The following NPFFR2 variants were observed in gnomAD, a reference collection of about 807,000 sequenced individuals.
NPFFR2 encodes the protein neuropeptide FF receptor 2, also known as G-protein coupled receptor 74.
A neutral mutation model predicts 13.1 loss-of-function variants in NPFFR2; 15 were observed. The ratio of observed to expected loss-of-function variants is 1.15; its 90% CI spans 0.77 to 1.76. The LOEUF is 1.76. NPFFR2 is among the 40% of genes most tolerant of loss of function. NPFFR2 has a pLI of 0.00. For synonymous variants in NPFFR2, 190 were observed against 175.7 expected (o/e 1.08, Z -0.65); for missense variants, 572 against 503.5 (o/e 1.14, Z -1.30).
chr4:72,146,051 G>GTTTAAT (rs2109850969), intron 3 of NPFFR2, among the ~76,000 whole-genome samples: 1 of 152,224 alleles, frequency 6.6e-6, no homozygotes, highest in Admixed American at 6.5e-5. Context: ...CTCATAATCA[G>GTTTAAT]AACTCATAAT....
chr4:72,128,583 A>C lies in NPFFR2; in HGVS notation c.-7-2A>C. On this transcript the variant is annotated splice_acceptor_variant, in intron 1 of 3. Transcript: ENST00000308744. LOFTEE classifies it low-confidence loss of function (5UTR_SPLICE). ...TTTCTTTTCTGTCTCTTCTTTATTA[A>C]GGTTCATCATGAATGAGAAATGGGA... The C allele has an allele frequency of 1.3e-6, 2 of 1,570,942 alleles. No homozygotes were observed. The highest frequency in any genetic ancestry group is 3.4e-4 in the Middle Eastern group (2 of 5,872).
chr4:72,032,807 A>G (rs1218071227), intron 1 of NPFFR2, among the ~76,000 whole-genome samples: 1 of 152,160 alleles, frequency 6.6e-6, no homozygotes, highest in Non-Finnish European at 1.5e-5. Context: ...GCCCTAGGTC[A>G]AATTTAGGGT....
At chr4:72,040,728 A>G (rs1470057714) in intron 1 of NPFFR2, among the ~76,000 whole-genome samples, 1 of 151,974 alleles carries the variant, frequency 6.6e-6, no homozygotes, top group Non-Finnish European at 1.5e-5. Flanking sequence ...ATGATATTAT[A>G]TTAAATTGAT....
chr4:72,049,554 G>C (rs1164437755), intron 1 of NPFFR2, among the ~76,000 whole-genome samples: 1 of 152,052 alleles, frequency 6.6e-6, no homozygotes, highest in Non-Finnish European at 1.5e-5. Flanking sequence ...GCTGGAAAAA[G>C]TTTGGTAGGA....
chr4:72,123,294 G>A (rs1721943475), intron 1 of NPFFR2, among the ~76,000 whole-genome samples: 1 of 152,082 alleles, frequency 6.6e-6, no homozygotes, highest in South Asian at 2.1e-4. Context: ...ACCAAAAAAA[G>A]CCCAGAACCA....
intron 3 of NPFFR2, among the ~76,000 whole-genome samples, chr4:72,146,023 C>T (rs1722771203): frequency 6.6e-6 from 1 of 152,138 alleles, no homozygotes; most frequent in Non-Finnish European, 1.5e-5. Flanking sequence ...CACCAGAGGA[C>T]ATAGAATGTT....
intron 1 of NPFFR2, among the ~76,000 whole-genome samples, chr4:72,099,065 C>A (rs1721156494): frequency 6.6e-6 from 1 of 152,118 alleles, no homozygotes; most frequent in Non-Finnish European, 1.5e-5. Context: ...TATAAAGGAA[C>A]AATTTACTTA....
intron 1 of NPFFR2, among the ~76,000 whole-genome samples, chr4:72,048,628 C>T (rs1719449375): frequency 6.6e-6 from 1 of 151,734 alleles, no homozygotes; most frequent in Non-Finnish European, 1.5e-5. Flanking sequence ...GGGATAGCTT[C>T]TTGTGTGAGA....
At chr4:72,086,789 A>G (rs1285930786) in intron 1 of NPFFR2, among the ~76,000 whole-genome samples, 1 of 152,122 alleles carries the variant, frequency 6.6e-6, no homozygotes, top group Non-Finnish European at 1.5e-5. Context: ...TGCAGAATAA[A>G]TAGTAAAACA....
chr4:72,061,927 G>A (rs2109775336), intron 1 of NPFFR2, among the ~76,000 whole-genome samples: 1 of 152,166 alleles, frequency 6.6e-6, no homozygotes, highest in Admixed American at 6.5e-5. Flanking sequence ...TTCTGCACAT[G>A]TATCCCAGAA....
At chr4:72,072,850 T>C (rs947998648) in intron 1 of NPFFR2, among the ~76,000 whole-genome samples, 1 of 152,048 alleles carries the variant, frequency 6.6e-6, no homozygotes, top group Non-Finnish European at 1.5e-5. Flanking sequence ...AAAAAGGATC[T>C]CAATACTATT....
intron 1 of NPFFR2, among the ~76,000 whole-genome samples, chr4:72,050,600 T>A (rs973139979): frequency 1.6e-4 from 25 of 152,024 alleles, no homozygotes; most frequent in African/African-American, 4.6e-4. Context: ...TACCTCAAAA[T>A]ACATTTCTTT....
At chr4:72,054,280 C>T (rs182525842) in intron 1 of NPFFR2, among the ~76,000 whole-genome samples, 3 of 151,894 alleles carry the variant, frequency 2.0e-5, no homozygotes, top group African/African-American at 7.2e-5. Flanking sequence ...GGTGTAAGCA[C>T]GGCCATGTAG....
chr4:72,092,573 C>CATATTGTATAT (rs1720944195), intron 1 of NPFFR2, among the ~76,000 whole-genome samples: 1 of 152,010 alleles, frequency 6.6e-6, no homozygotes, highest in Non-Finnish European at 1.5e-5. Context: ...TAGACTAGTC[C>CATATTGTATAT]TCTTATCATC....
chr4:72,083,229 A>G, intron 1 of NPFFR2, among the ~76,000 whole-genome samples: 1 of 152,168 alleles, frequency 6.6e-6, no homozygotes, highest in African/African-American at 2.4e-5. Flanking sequence ...TCTGAATCAT[A>G]TGGTCATTCT....
chr4:72,118,070 A>T (rs949844931), intron 1 of NPFFR2, among the ~76,000 whole-genome samples: 1 of 152,182 alleles, frequency 6.6e-6, no homozygotes. Context: ...AAGGAAAATA[A>T]TATCAAATGT....
intron 1 of NPFFR2, among the ~76,000 whole-genome samples, chr4:72,034,533 A>G (rs559503717): frequency 8.6e-4 from 131 of 152,336 alleles, no homozygotes; most frequent in Non-Finnish European, 1.5e-3. Flanking sequence ...ACACATGGGG[A>G]TTACAAGAAC....
chr4:72,141,317 G>C (rs141627605), intron 3 of NPFFR2, among the ~76,000 whole-genome samples: 25,082 of 151,958 alleles, frequency 0.17, 4,536 homozygotes, highest in East Asian at 0.48. Flanking sequence ...GAATTTGTTT[G>C]CTCTTGCTCC....
At chr4:72,090,244 A>G (rs1720881255) in intron 1 of NPFFR2, among the ~76,000 whole-genome samples, 1 of 152,164 alleles carries the variant, frequency 6.6e-6, no homozygotes, top group African/African-American at 2.4e-5. Context: ...CATAGTTTGA[A>G]GTCAGGTAAT....
Sources: allele counts gnomAD v4.1 joint callset (sites outside exome capture counted in the v4.1 genomes callset), GRCh38; gene constraint gnomAD v4.1.1; transcripts MANE v1.5; gene names NCBI Gene and HGNC (gene_info 2026-07-23, HGNC 2026-07-21).